Variants in FSTL4 observed in about 807,000 individuals in gnomAD.
The protein encoded by FSTL4 is follistatin-related protein 4.
A neutral mutation model predicts 78.2 loss-of-function variants in FSTL4; 28 were observed. The ratio of observed to expected loss-of-function variants is 0.36; its 90% CI spans 0.27 to 0.49. The LOEUF (loss-of-function observed/expected upper bound fraction) is 0.49, where lower values mean the gene tolerates loss of function less well. Among genes scored for constraint, FSTL4 ranks in the 20% least tolerant of loss-of-function variants. The pLI is 0.98. For missense variants in FSTL4, 922 were observed against 1,084.9 expected, an observed-to-expected ratio of 0.85 and a Z score of 2.11; for synonymous variants, 422 against 440.5, an observed-to-expected ratio of 0.96 and a Z score of 0.53.
intron 4 of FSTL4, among the ~76,000 whole-genome samples, chr5:133,382,492 A>T (rs1300419691): frequency 6.6e-6 from 1 of 152,218 alleles, no homozygotes; most frequent in East Asian, 1.9e-4. Flanking sequence ...AAGAATACTG[A>T]GCAATAACTC....
At chr5:133,595,516 C>T (rs1760719376) in intron 2 of FSTL4, among the ~76,000 whole-genome samples, 1 of 152,236 alleles carries the variant, frequency 6.6e-6, no homozygotes, top group African/African-American at 2.4e-5. Context: ...AGATATTTAC[C>T]ACTCCACTGG....
chr5:133,512,363 A>G (rs755880963), intron 3 of FSTL4, among the ~76,000 whole-genome samples: 2 of 152,260 alleles, frequency 1.3e-5, no homozygotes, highest in Non-Finnish European at 2.9e-5. Flanking sequence ...CAAATGACAC[A>G]GTGAGCAAAC....
intron 1 of FSTL4, among the ~76,000 whole-genome samples, chr5:133,608,416 C>A (rs1761019008): frequency 6.6e-6 from 1 of 152,244 alleles, no homozygotes; most frequent in Admixed American, 6.5e-5. Context: ...CTGGTGCTAA[C>A]CTGGCTGCCG....
chr5:133,254,156 G>C (rs566592412), intron 6 of FSTL4, among the ~76,000 whole-genome samples: 3 of 152,346 alleles, frequency 2.0e-5, no homozygotes, highest in Non-Finnish European at 4.4e-5. Flanking sequence ...GAAAAAGGTG[G>C]TTTAGTTCCC....
the FSTL4 span, among the ~76,000 whole-genome samples, chr5:133,799,660 T>C: frequency 1.4e-5 from 2 of 138,744 alleles, 1 homozygote; most frequent in African/African-American, 5.3e-5. Context: ...TTGTGTGCTA[T>C]CTGCAAATTC....
intron 4 of FSTL4, among the ~76,000 whole-genome samples, chr5:133,362,850 C>T (rs934041875): frequency 1.3e-5 from 2 of 152,228 alleles, no homozygotes; most frequent in African/African-American, 2.4e-5. Flanking sequence ...TTTATTTTAA[C>T]TCATCAATTA....
At chr5:133,546,125 G>A (rs776718167) in intron 3 of FSTL4, among the ~76,000 whole-genome samples, 25 of 152,188 alleles carry the variant, frequency 1.6e-4, no homozygotes, top group Non-Finnish European at 3.5e-4. Context: ...AGTAGTGAGA[G>A]AGGAAAAAGT....
At chr5:133,505,432 G>A (rs1408220821) in intron 3 of FSTL4, among the ~76,000 whole-genome samples, 2 of 152,186 alleles carry the variant, frequency 1.3e-5, no homozygotes, top group Non-Finnish European at 1.5e-5. Flanking sequence ...GGTTTCACAG[G>A]CAGATGTCTG....
At position 133,481,560 on chromosome 5, in the gene FSTL4, A is replaced by AT. The variant is rs397689997; in HGVS notation, c.161-80575_161-80574insA. On this transcript the variant is annotated intron_variant, in intron 3 of 15. Coordinates refer to ENST00000265342, the MANE Select transcript of FSTL4 (RefSeq NM_015082.2). ...GTCTCAAAAAAAAAAAAAAAAAAAA[A>AT]GCTATTAAGCTTTTTTAAGGGAACT... is the stretch of plus-strand genomic sequence containing the variant. Among the ~76,000 whole-genome samples the AT allele has an allele frequency of 8.6e-3, 1,302 of 150,806 alleles. 26 individuals carry two copies. Among genetic ancestry groups the AT allele is most frequent in the African/African-American group, 0.03 (1,237 of 40,736 alleles).
chr5:133,819,596 C>G, the FSTL4 span, among the ~76,000 whole-genome samples: 1 of 152,184 alleles, frequency 6.6e-6, no homozygotes, highest in Admixed American at 6.5e-5. Context: ...CCGTTGGAGG[C>G]GCAGGCAGGT....
At chr5:133,453,589 C>G (rs1757423619) in intron 3 of FSTL4, among the ~76,000 whole-genome samples, 1 of 152,178 alleles carries the variant, frequency 6.6e-6, no homozygotes, top group African/African-American at 2.4e-5. Flanking sequence ...TGACTCTTGC[C>G]CACCCAAGGC....
At chr5:133,498,008 C>T (rs1266577305) in intron 3 of FSTL4, among the ~76,000 whole-genome samples, 1 of 152,078 alleles carries the variant, frequency 6.6e-6, no homozygotes, top group Non-Finnish European at 1.5e-5. Flanking sequence ...ATGCATGGCA[C>T]CCAGCCTACA....
chr5:133,447,224 A>G (rs563122118), intron 3 of FSTL4, among the ~76,000 whole-genome samples: 1 of 152,322 alleles, frequency 6.6e-6, no homozygotes, highest in East Asian at 1.9e-4. Context: ...CAAGGCACAG[A>G]GTGTGGGCAC....
At chr5:133,412,981 T>C (rs1756509497) in intron 3 of FSTL4, among the ~76,000 whole-genome samples, 2 of 152,170 alleles carry the variant, frequency 1.3e-5, no homozygotes, top group Non-Finnish European at 2.9e-5. Flanking sequence ...TTTGCCTTTT[T>C]CTGTGGTCCT....
intron 12 of FSTL4, among the ~76,000 whole-genome samples, chr5:133,219,042 T>C (rs1751006142): frequency 6.6e-6 from 1 of 152,136 alleles, no homozygotes. Context: ...AGTCTCATGG[T>C]TTTCCTTGCG....
chr5:133,369,920 C>T (rs1025519477), intron 4 of FSTL4, among the ~76,000 whole-genome samples: 2 of 151,924 alleles, frequency 1.3e-5, no homozygotes, highest in Non-Finnish European at 2.9e-5. Context: ...TAGAAGAGCA[C>T]CTCCCTCCCT....
At chr5:133,673,760 A>C in the FSTL4 span, among the ~76,000 whole-genome samples, 1 of 152,164 alleles carries the variant, frequency 6.6e-6, no homozygotes, top group African/African-American at 2.4e-5. Flanking sequence ...AGGGACTCAC[A>C]ATCTAGTGAG....
intron 6 of FSTL4, among the ~76,000 whole-genome samples, chr5:133,284,501 G>A (rs1386779617): frequency 6.6e-6 from 1 of 152,212 alleles, no homozygotes; most frequent in Non-Finnish European, 1.5e-5. Context: ...CTGCTGATGT[G>A]AGCAGTGCCT....
At chr5:133,547,977 C>T (rs889164416) in intron 3 of FSTL4, among the ~76,000 whole-genome samples, 7 of 152,154 alleles carry the variant, frequency 4.6e-5, no homozygotes, top group African/African-American at 1.7e-4. Flanking sequence ...AAGCCCTGGA[C>T]ACCTAAGCTC....
Sources: gnomAD v4.1 joint callset for allele counts (sites outside exome capture counted in the v4.1 genomes callset) on GRCh38, gnomAD v4.1.1 for gene constraint, MANE v1.5 for transcripts, NCBI Gene and HGNC (gene_info 2026-07-23, HGNC 2026-07-21) for gene names.